The following MICU2 variants were observed in gnomAD, a reference collection of about 807,000 sequenced individuals.
The protein encoded by MICU2 is calcium uptake protein 2, mitochondrial.
MICU2 carries 64 observed loss-of-function variants against 60.4 expected under a neutral mutation model. The observed-to-expected ratio is 1.06, with a 90% CI of 0.87 to 1.31. The LOEUF (loss-of-function observed/expected upper bound fraction) is 1.31. MICU2 is among the 50% of genes most tolerant of loss of function. The pLI, the probability that MICU2 is intolerant of heterozygous loss-of-function variation, is 0.00. For missense variants in MICU2, 569 were observed against 531.0 expected (o/e 1.07, Z -0.70); for synonymous variants, 201 against 175.0 (o/e 1.15, Z -1.17).
chr13:21,561,057 G>C (rs749823341), intron 2 of MICU2, among the ~76,000 whole-genome samples: 1 of 152,102 alleles, frequency 6.6e-6, no homozygotes, highest in Non-Finnish European at 1.5e-5. Context: ...TGACCCATGT[G>C]TTATTTAAAA....
intron 4 of MICU2, among the ~76,000 whole-genome samples, chr13:21,532,764 AAGG>A (rs1381666753): frequency 6.6e-6 from 1 of 152,208 alleles, no homozygotes; most frequent in African/African-American, 2.4e-5. Flanking sequence ...AATTGGTAAC[AAGG>A]AGGTCACTGG....
chr13:21,521,438 C>A, intron 5 of MICU2, 111 bp from the exon 6 acceptor site: 1 of 706,014 alleles, frequency 1.4e-6, no homozygotes, highest in East Asian at 2.9e-5. Context: ...TGAGTAAGTG[C>A]CTACACAGAA....
intron 5 of MICU2, among the ~76,000 whole-genome samples, chr13:21,521,970 G>T (rs1484349525): frequency 6.6e-6 from 1 of 152,176 alleles, no homozygotes; most frequent in Non-Finnish European, 1.5e-5. Context: ...GTAGAGATGG[G>T]GTTTTACCAT....
At chr13:21,521,446 G>A in intron 5 of MICU2, 119 bp from the exon 6 acceptor site, 1 of 659,744 alleles carries the variant, frequency 1.5e-6, no homozygotes, top group Non-Finnish European at 2.5e-6. Flanking sequence ...TGCCTACACA[G>A]AAAAATAATG....
At chr13:21,603,836 C>T in intron 1 of MICU2, 103 bp downstream of exon 1, 2 of 1,303,100 alleles carry the variant, frequency 1.5e-6, no homozygotes, top group South Asian at 2.7e-5. Flanking sequence ...CACCTCCACC[C>T]ACGGCTCCGG....
At chr13:21,545,677 A>C (rs1887398381) in intron 2 of MICU2, among the ~76,000 whole-genome samples, 1 of 152,120 alleles carries the variant, frequency 6.6e-6, no homozygotes, top group Non-Finnish European at 1.5e-5. Context: ...CCATCTAAAA[A>C]AAAAAAAGGG....
intron 2 of MICU2, among the ~76,000 whole-genome samples, chr13:21,564,217 C>G (rs1042615125): frequency 1.3e-5 from 2 of 152,148 alleles, no homozygotes; most frequent in Middle Eastern, 3.4e-3. Flanking sequence ...TTTTAGCATG[C>G]CTTGTGACTT....
At position 21,592,555 on chromosome 13, in the gene MICU2, C is replaced by T. The variant is rs182984831; in HGVS notation, c.210+11384G>A. 3.9e-4 allele frequency among the ~76,000 whole-genome samples: 59 copies of T among 152,122 alleles called. 1 individual carries two copies. The East Asian group carries it at 7.9e-3, about 20-fold the overall frequency. On this transcript the variant is annotated intron_variant, in intron 1 of 11. Coordinates refer to ENST00000382374, the MANE Select transcript of MICU2 (RefSeq NM_152726.3). ...ATACCAAGATCAGGAAAAGACACAACAAAAAAAGAAAACATAAGGCCAATA... is the reference window on the plus strand; with the variant it reads ...ATACCAAGATCAGGAAAAGACACAATAAAAAAAGAAAACATAAGGCCAATA...
intron 1 of MICU2, among the ~76,000 whole-genome samples, chr13:21,591,668 G>C (rs1043947564): frequency 5.3e-5 from 8 of 151,692 alleles, no homozygotes; most frequent in African/African-American, 1.9e-4. Flanking sequence ...TGAAATCACA[G>C]CACTCTCTCA....
chr13:21,537,517 T>C (rs1887161881), intron 4 of MICU2, among the ~76,000 whole-genome samples: 5 of 150,586 alleles, frequency 3.3e-5, no homozygotes, highest in Admixed American at 3.3e-4. Flanking sequence ...TTGCCCAGGC[T>C]GGAGTGTAAT....
At chr13:21,566,317 A>C (rs1887981043) in intron 2 of MICU2, among the ~76,000 whole-genome samples, 1 of 152,232 alleles carries the variant, frequency 6.6e-6, no homozygotes. Flanking sequence ...CAAAATGAGG[A>C]CTAATTTAGA....
intron 1 of MICU2, among the ~76,000 whole-genome samples, chr13:21,571,239 G>T (rs1190662506): frequency 6.6e-6 from 1 of 152,166 alleles, no homozygotes; most frequent in Non-Finnish European, 1.5e-5. Context: ...CTAAGGCAAA[G>T]AAAACGGCTT....
chr13:21,559,892 C>T (rs942366446), intron 2 of MICU2, among the ~76,000 whole-genome samples: 1 of 152,178 alleles, frequency 6.6e-6, no homozygotes, highest in Non-Finnish European at 1.5e-5. Flanking sequence ...TCTACATTCT[C>T]TTCAACTTTT....
intron 7 of MICU2, among the ~76,000 whole-genome samples, chr13:21,513,420 C>T (rs1175519443): frequency 6.6e-6 from 1 of 152,010 alleles, no homozygotes; most frequent in Non-Finnish European, 1.5e-5. Flanking sequence ...CCTCCCTGCC[C>T]TATTTGTTTT....
intron 2 of MICU2, among the ~76,000 whole-genome samples, chr13:21,561,348 T>C (rs1481556154): frequency 6.6e-6 from 1 of 152,194 alleles, no homozygotes; most frequent in Non-Finnish European, 1.5e-5. Flanking sequence ...TATATCCTTA[T>C]TGGTTTTCTG....
intron 1 of MICU2, 113 bp downstream of exon 1, chr13:21,603,826 C>T (rs1408990752): frequency 1.7e-6 from 2 of 1,194,476 alleles, no homozygotes; most frequent in Admixed American, 5.1e-5. Context: ...TCCGCAGCGG[C>T]ACCTCCACCC....
At chr13:21,527,399 T>C (rs543393198) in intron 4 of MICU2, among the ~76,000 whole-genome samples, 47 of 152,332 alleles carry the variant, frequency 3.1e-4, no homozygotes, top group Non-Finnish European at 6.0e-4. Context: ...AGGTCCTTTA[T>C]GCAAGCAGAA....
Position 21,603,971 on chromosome 13 carries a change from C to T in MICU2, c.178G>A (p.Ala60Thr), listed in dbSNP as rs768873080. The change falls in exon 1 of 12, where the codon GCG (alanine) becomes ACG (threonine). Residue 60 changes from alanine to threonine, a missense_variant. By Grantham distance (58) the Ala-to-Thr change is moderately conservative. Transcript: ENST00000382374. ...AWHHSRVSVAARDGSFTVSAQ... is the reference protein window; with the variant it reads ...AWHHSRVSVATRDGSFTVSAQ... ...GAGACTGTAAAACTGCCATCCCGCG[C>T]CGCAACACTGACGCGGCTGTGGTGC... is the stretch of plus-strand genomic sequence containing the variant. 8 of 1,612,502 alleles carry T rather than the reference C, an allele frequency of 5.0e-6. No individual in the cohort carries two copies. Among genetic ancestry groups the T allele is most frequent in the Admixed American group, 1.7e-5 (1 of 60,020 alleles).
At chr13:21,592,022 T>C (rs942796474) in intron 1 of MICU2, among the ~76,000 whole-genome samples, 13 of 146,940 alleles carry the variant, frequency 8.8e-5, no homozygotes, top group East Asian at 4.0e-4. Flanking sequence ...CAGAGAAGCG[T>C]TGAAGGAGAT....
Sources: allele counts gnomAD v4.1 joint callset (sites outside exome capture counted in the v4.1 genomes callset), GRCh38; gene constraint gnomAD v4.1.1; transcripts MANE v1.5; gene names NCBI Gene and HGNC (gene_info 2026-07-23, HGNC 2026-07-21).